Variants in DLGAP1 observed in about 807,000 individuals in gnomAD.
DLGAP1 encodes the protein DLG associated protein 1.
In DLGAP1, 11 loss-of-function variants were observed where a neutral mutation model predicts 90.8. The observed-to-expected ratio is 0.12, with a 90% CI of 0.08 to 0.20. The LOEUF is 0.20. Among genes scored for constraint, DLGAP1 ranks in the 10% least tolerant of loss-of-function variants. DLGAP1 has a pLI of 1.00. For missense variants in DLGAP1, 1,050 were observed against 1,333.8 expected (o/e 0.79, Z 3.31); for synonymous variants, 558 against 540.7 (o/e 1.03, Z -0.44).
chr18:4,432,485 T>TG (rs2083305082), intron 1 of DLGAP1, among the ~76,000 whole-genome samples: 1 of 44,212 alleles, frequency 2.3e-5, no homozygotes, highest in Non-Finnish European at 5.1e-5. Flanking sequence ...TTGAAATAAA[T>TG]TTTTTTAAAA....
intron 5 of DLGAP1, among the ~76,000 whole-genome samples, chr18:3,779,058 C>A (rs1445088893): frequency 6.6e-6 from 1 of 152,168 alleles, no homozygotes; most frequent in South Asian, 2.1e-4. Context: ...CTTGACCACC[C>A]GCAGGTGGTG....
chr18:4,030,289 G>A (rs1040588625), intron 2 of DLGAP1, among the ~76,000 whole-genome samples: 1 of 152,120 alleles, frequency 6.6e-6, no homozygotes, highest in African/African-American at 2.4e-5. Context: ...TGTATTCCTA[G>A]GGCTAGAATA....
chr18:3,988,539 TC>T (rs1216648764), intron 3 of DLGAP1, among the ~76,000 whole-genome samples: 1 of 152,074 alleles, frequency 6.6e-6, no homozygotes, highest in Non-Finnish European at 1.5e-5. Flanking sequence ...GCAACCTAGA[TC>T]CCTTGCATGC....
intron 7 of DLGAP1, among the ~76,000 whole-genome samples, chr18:3,681,582 T>A (rs1006519197): frequency 3.3e-5 from 5 of 152,292 alleles, no homozygotes; most frequent in Non-Finnish European, 1.5e-5. Flanking sequence ...TTCCTTATGC[T>A]TGGGTTCACA....
In DLGAP1 at chr18:4,271,814, T is replaced by C. The variant is rs953360113; in HGVS notation, c.-266-120527A>G. On this transcript the variant is annotated intron_variant, in intron 1 of 12. Coordinates refer to ENST00000315677, the MANE Select transcript of DLGAP1 (RefSeq NM_004746.4). ...TGCTTCAAATATAATGATGTAAATA[T>C]TGATTATGCTGAAATGACTTAATAT... 3.9e-5 allele frequency among the ~76,000 whole-genome samples: 6 copies of C among 152,224 alleles called. No homozygotes were observed. In the East Asian group the frequency reaches 9.6e-4, roughly 24 times the overall value.
intron 1 of DLGAP1, among the ~76,000 whole-genome samples, chr18:4,338,654 T>G (rs1348734695): frequency 6.6e-6 from 1 of 152,196 alleles, no homozygotes; most frequent in Non-Finnish European, 1.5e-5. Context: ...ATTCTTTGTA[T>G]GGCAAGATGA....
intron 1 of DLGAP1, among the ~76,000 whole-genome samples, chr18:4,222,084 T>C (rs2078088991): frequency 6.6e-6 from 1 of 152,170 alleles, no homozygotes; most frequent in African/African-American, 2.4e-5. Context: ...CATCATCTCT[T>C]TTCATTCTAT....
Position 4,082,510 on chromosome 18 carries a change from CAAAAAAAAAAA to C in DLGAP1, c.-159+68659_-159+68669del, listed in dbSNP as rs59735494. 9.6e-5 allele frequency among the ~76,000 whole-genome samples: 5 copies of C among 52,090 alleles called. No individual in the cohort carries two copies. In the Admixed American group the frequency reaches 1.1e-3, roughly 12 times the overall value. The allele number at this position is 52,090 out of a possible 152,430, so 34.2% of individuals were successfully genotyped here. A position where few individuals can be genotyped will look rare whatever the true frequency, so the allele number is the denominator to read the frequency against. On this transcript the variant is annotated intron_variant, in intron 2 of 12. Coordinates refer to ENST00000315677, the MANE Select transcript of DLGAP1 (RefSeq NM_004746.4). ...TGGGTGACAGAGTGAGACTTTGTCTCAAAAAAAAAAAAAAAAAAAAAAAAGAAGGGTGTATA... is the reference window on the plus strand; with the variant it reads ...TGGGTGACAGAGTGAGACTTTGTCTCAAAAAAAAAAAAAGAAGGGTGTATA...
intron 7 of DLGAP1, among the ~76,000 whole-genome samples, chr18:3,601,534 C>T: frequency 6.6e-6 from 1 of 151,882 alleles, no homozygotes. Context: ...TACAGTTCGA[C>T]TTCACAGATA....
intron 2 of DLGAP1, among the ~76,000 whole-genome samples, chr18:4,030,998 G>A (rs2074787270): frequency 6.6e-6 from 1 of 152,116 alleles, no homozygotes; most frequent in African/African-American, 2.4e-5. Flanking sequence ...CATCGCCACT[G>A]GACCACCCTA....
intron 1 of DLGAP1, among the ~76,000 whole-genome samples, chr18:4,304,612 T>C (rs2143324133): frequency 6.6e-6 from 1 of 152,374 alleles, no homozygotes; most frequent in Non-Finnish European, 1.5e-5. Flanking sequence ...GTTACTATCT[T>C]AGTATCTAAA....
intron 9 of DLGAP1, among the ~76,000 whole-genome samples, chr18:3,557,755 T>C (rs586993): frequency 0.6 from 91,762 of 151,686 alleles, 30,863 homozygotes; most frequent in Admixed American, 0.73. Flanking sequence ...GGTGAAACCC[T>C]GTCTCTACTA....
intron 7 of DLGAP1, chr18:3,656,338 CA>C: frequency 2.1e-6 from 1 of 472,902 alleles, no homozygotes; most frequent in Non-Finnish European, 3.7e-6. Context: ...GGAAATTTTT[CA>C]CTAAAAATGG....
rs138888689 is a variant in DLGAP1, at chr18:4,431,726, A to G, written c.-267+23280T>C. On this transcript the variant is annotated intron_variant, in intron 1 of 12. Transcript: ENST00000315677. The stretch of plus-strand genomic sequence containing the variant: ...ACTTCTATTTTCTGTACTTTTTCTG[A>G]TTTTCACCTTTGAGATTACTGGTAA... Among the ~76,000 whole-genome samples the G allele has an allele frequency of 4.7e-4, 72 of 152,246 alleles. No individual in the cohort carries two copies. The East Asian group carries it at 0.013, about 28-fold the overall frequency.
chr18:3,862,966 A>G (rs764811663), intron 4 of DLGAP1, among the ~76,000 whole-genome samples: 6 of 152,252 alleles, frequency 3.9e-5, no homozygotes, highest in Non-Finnish European at 7.3e-5. Flanking sequence ...GGACATCACC[A>G]CAGGGTATTA....
chr18:3,548,534 G>C (rs184178451), intron 9 of DLGAP1, among the ~76,000 whole-genome samples: 257 of 151,850 alleles, frequency 1.7e-3, no homozygotes, highest in Admixed American at 3.3e-3. Context: ...GAGACTGAGG[G>C]GGGTGTGGAT....
chr18:4,142,359 G>A (rs1027018925), intron 2 of DLGAP1, among the ~76,000 whole-genome samples: 2 of 152,070 alleles, frequency 1.3e-5, no homozygotes, highest in African/African-American at 2.4e-5. Context: ...CTATTGTGAA[G>A]GCCTGGGTAG....
rs71368704 is a variant in DLGAP1, at chr18:3,705,982, AT to A, written c.1591+23152del. ...CCCCCAGTATAATTATTAATGGTGC[AT>A]TTTTTTTTTTTTTTGAGATGGAATC... On this transcript the variant is annotated intron_variant, in intron 7 of 12. Transcript: ENST00000315677. 1.2e-3 allele frequency among the ~76,000 whole-genome samples: 159 copies of A among 127,204 alleles called. 1 individual carries two copies. The highest frequency in any genetic ancestry group is 2.7e-3 in the East Asian group (11 of 4,126). The allele number at this position is 127,204 out of a possible 152,430, so 83.5% of individuals were successfully genotyped here.
chr18:3,987,748 CA>C (rs2073872110), intron 3 of DLGAP1, among the ~76,000 whole-genome samples: 1 of 152,126 alleles, frequency 6.6e-6, no homozygotes, highest in African/African-American at 2.4e-5. Flanking sequence ...GCTCCAATTA[CA>C]GATTTCTATG....
Sources: gnomAD v4.1 joint callset for allele counts (sites outside exome capture counted in the v4.1 genomes callset) on GRCh38, gnomAD v4.1.1 for gene constraint, MANE v1.5 for transcripts, NCBI Gene and HGNC (gene_info 2026-07-23, HGNC 2026-07-21) for gene names.